TTC38: variants seen among roughly 807,000 people sequenced by gnomAD.
TTC38 encodes tetratricopeptide repeat protein 38.
Under a neutral mutation model 64.2 loss-of-function variants are expected in TTC38, and 64 were observed. The observed-to-expected ratio is 1.00, with a 90% confidence interval of 0.81 to 1.23. The LOEUF is 1.23. TTC38 is among the 50% of genes most tolerant of loss of function. The pLI is 0.00. For missense variants in TTC38, 573 were observed against 615.5 expected (o/e 0.93, Z 0.73); for synonymous variants, 254 against 249.3 (o/e 1.02, Z -0.18).
chr22:46,279,699 G>C (rs562315013), intron 6 of TTC38, among the ~76,000 whole-genome samples: 2 of 152,258 alleles, frequency 1.3e-5, no homozygotes, highest in Non-Finnish European at 2.9e-5. Flanking sequence ...AGGCTTGAGT[G>C]ATGTGTTCTT....
At position 46,273,155 on chromosome 22, in the gene TTC38, G is replaced by A. The variant is rs1936932745; in HGVS notation, c.193+739G>A. 6.6e-6 allele frequency among the ~76,000 whole-genome samples: 1 copy of A among 152,232 alleles called. No individual in the cohort carries two copies. Among genetic ancestry groups the A allele is most frequent in the Non-Finnish European group, 1.5e-5 (1 of 68,042 alleles). The stretch of plus-strand genomic sequence containing the variant: ...AGCCAAACCCAGTCATGGGGAGCCA[G>A]GAGCCAGGGGTGGGCTCGGACTCTC... On this transcript the variant is annotated intron_variant, in intron 3 of 13. Coordinates refer to ENST00000381031, the MANE Select transcript of TTC38 (RefSeq NM_017931.4). The surrounding 1 kb of genome is among the most constrained non-coding windows in gnomAD (Gnocchi z 5.1).
At chr22:46,287,320 C>T (rs2077579023) in intron 10 of TTC38, among the ~76,000 whole-genome samples, 166 bp downstream of exon 10, 1 of 152,228 alleles carries the variant, frequency 6.6e-6, no homozygotes, top group Non-Finnish European at 1.5e-5. Context: ...AGCTGCCTCC[C>T]AGCTGGCCCA....
chr22:46,287,127 T>C lies in TTC38; in HGVS notation c.889T>C (p.Ser297Pro). ...DAMLDVVDSC[S>P]MLYRLQMEGV... ...AATGCTGGACGTGGTGGACAGCTGC[T>C]CCATGCTCTACCGCCTGCAGATGGA... The change falls in exon 10 of 14, where the codon TCC (serine) becomes CCC (proline). Residue 297 changes from serine (S) to proline (P), a missense_variant. Ser to Pro is a moderately conservative substitution (Grantham distance 74). This residue lies in a region of TTC38 where 371 missense variants were observed against 381.8 expected (regional missense o/e 0.97). Coordinates refer to ENST00000381031, the MANE Select transcript of TTC38 (RefSeq NM_017931.4). 1.2e-6 allele frequency: 2 copies of C among 1,605,392 alleles called. No individual in the cohort carries two copies. Among genetic ancestry groups the C allele is most frequent in the Non-Finnish European group, 1.7e-6 (2 of 1,176,060 alleles).
intron 8 of TTC38, 92 bp from the exon 9 acceptor site, chr22:46,285,149 C>T (rs898697154): frequency 5.3e-6 from 6 of 1,123,720 alleles, no homozygotes; most frequent in Admixed American, 1.7e-5. Flanking sequence ...ACCATGTGCT[C>T]AGGGGTCTTT....
chr22:46,272,349 C>A lies in TTC38; in HGVS notation c.126C>A (p.Thr42=). Residue 42 remains threonine (T), a synonymous_variant, in exon 3 of 14, where the codon ACC becomes ACA. Coordinates refer to ENST00000381031, the MANE Select transcript of TTC38 (RefSeq NM_017931.4). This position sits in a 1 kb window ranked among gnomAD's most constrained non-coding sequence, Gnocchi z 6.4. ...DATLTQYVKW[T]NDKSLGGIEG... is the part of the protein sequence containing the mutation. ...TCCCATTTCAGTATGTAAAATGGAC[C>A]AATGACAAGAGTCTCGGTGGCATCG... 6.2e-7 allele frequency: 1 copy of A among 1,613,690 alleles called. No homozygotes were observed. Among genetic ancestry groups the A allele is most frequent in the Non-Finnish European group, 8.5e-7 (1 of 1,179,844 alleles).
chr22:46,282,182 G>A lies in TTC38; in HGVS notation c.735+464G>A. 2.9e-6 allele frequency: 1 copy of A among 339,476 alleles called. No homozygotes were observed. The highest frequency in any genetic ancestry group is 6.0e-6 in the Non-Finnish European group (1 of 167,858). 21.0% of individuals were successfully genotyped at this position (339,476 alleles called of 1,614,324 possible). A position where few individuals can be genotyped will look rare whatever the true frequency, so the allele number is the denominator to read the frequency against. On this transcript the variant is annotated intron_variant, in intron 7 of 13. Coordinates refer to ENST00000381031, the MANE Select transcript of TTC38 (RefSeq NM_017931.4). This position sits in a 1 kb window ranked among gnomAD's most constrained non-coding sequence, Gnocchi z 4.4. The stretch of plus-strand genomic sequence containing the variant: ...TGCCACACAGAGGGGGAAGATGGAG[G>A]GCATCCTAGCCCGTCACTAGCTTGA...
At position 46,289,856 on chromosome 22, in the gene TTC38, G is replaced by T; in HGVS notation, c.1273G>T (p.Ala425Ser). 2 of 1,614,142 alleles carry T rather than the reference G, an allele frequency of 1.2e-6. No individual in the cohort carries two copies. The highest frequency in any genetic ancestry group is 8.5e-7 in the Non-Finnish European group (1 of 1,180,016). Residue 425 changes from alanine (A) to serine (S), a missense_variant, in exon 13 of 14, where the codon GCG becomes TCG. Physicochemically the swap from Ala to Ser is moderately conservative, Grantham distance 99. This residue lies in a region of TTC38 where 371 missense variants were observed against 381.8 expected (regional missense o/e 0.97). Coordinates refer to ENST00000381031, the MANE Select transcript of TTC38 (RefSeq NM_017931.4). Reference sequence around the variant, plus strand: ...CGTCTTCAACCAGCTGCTGATTCACGCGGCCTTAAACTGCACCTCCAGCGT... The same window carrying T: ...CGTCTTCAACCAGCTGCTGATTCACTCGGCCTTAAACTGCACCTCCAGCGT... ...RDVFNQLLIHAALNCTSSVHK... is the reference protein window; with the variant it reads ...RDVFNQLLIHSALNCTSSVHK...
chr22:46,285,385 G>T, intron 9 of TTC38, 106 bp downstream of exon 9: 3 of 1,108,076 alleles, frequency 2.7e-6, no homozygotes, highest in Non-Finnish European at 4.2e-6. Context: ...CAGAAAAACA[G>T]CTGGAGCAAG....
chr22:46,272,111 C>G lies in TTC38; in HGVS notation c.112-224C>G, dbSNP rs1004519536. On this transcript the variant is annotated intron_variant, in intron 2 of 13. Coordinates refer to ENST00000381031, the MANE Select transcript of TTC38 (RefSeq NM_017931.4). This position sits in a 1 kb window ranked among gnomAD's most constrained non-coding sequence, Gnocchi z 6.4. ...GTTCAAGTGATTCTCATGCCTCTGC[C>G]TACCAAGTGGCTGGGACTACAGGCA... Among the ~76,000 whole-genome samples the G allele has an allele frequency of 1.3e-5, 2 of 152,168 alleles. No homozygotes were observed. Among genetic ancestry groups the G allele is most frequent in the Non-Finnish European group, 2.9e-5 (2 of 68,040 alleles).
chr22:46,291,714 G>T lies in TTC38; in HGVS notation c.1317-1077G>T, dbSNP rs1007081973. 2.0e-5 allele frequency among the ~76,000 whole-genome samples: 3 copies of T among 152,144 alleles called. No individual in the cohort carries two copies. The highest frequency in any genetic ancestry group is 7.2e-5 in the African/African-American group (3 of 41,416). Reference sequence around the variant, plus strand: ...TCATGCCTGTAATCCCAGCACTTTCGGAGGCCAAGGCGGGTGGATCACCTG... The same window carrying T: ...TCATGCCTGTAATCCCAGCACTTTCTGAGGCCAAGGCGGGTGGATCACCTG... On this transcript the variant is annotated intron_variant, in intron 13 of 13. Coordinates refer to ENST00000381031, the MANE Select transcript of TTC38 (RefSeq NM_017931.4). The surrounding 1 kb of genome is among the most constrained non-coding windows in gnomAD (Gnocchi z 4.6).
Position 46,293,739 on chromosome 22 carries a change from G to C in TTC38, c.*855G>C, listed in dbSNP as rs192471290. 6.6e-6 allele frequency: 1 copy of C among 152,386 alleles called. No homozygotes were observed. The highest frequency in any genetic ancestry group is 1.5e-5 in the Non-Finnish European group (1 of 68,170). 9.4% of individuals were successfully genotyped at this position (152,386 alleles called of 1,614,324 possible). ...CAAGCCTGGAGCGGGTCCTGTGAGCGCCGCCTCTGTCTCCTGCTTCCCCAC... is the reference window on the plus strand; with the variant it reads ...CAAGCCTGGAGCGGGTCCTGTGAGCCCCGCCTCTGTCTCCTGCTTCCCCAC... On this transcript the variant is annotated 3_prime_UTR_variant, in exon 14 of 14. Coordinates refer to ENST00000381031, the MANE Select transcript of TTC38 (RefSeq NM_017931.4). The surrounding 1 kb of genome is among the most constrained non-coding windows in gnomAD (Gnocchi z 6.6).
chr22:46,279,039 G>A (rs953251102), intron 6 of TTC38, among the ~76,000 whole-genome samples: 1 of 152,222 alleles, frequency 6.6e-6, no homozygotes, highest in Non-Finnish European at 1.5e-5. Flanking sequence ...ACAGGACTTT[G>A]TAGGAGGAGA....
chr22:46,288,849 A>G (rs1443360824), intron 11 of TTC38, among the ~76,000 whole-genome samples: 1 of 152,168 alleles, frequency 6.6e-6, no homozygotes, highest in East Asian at 1.9e-4. Flanking sequence ...TGGGTATGAG[A>G]TCCGCAGGGT....
Position 46,281,836 on chromosome 22 carries a change from C to A in TTC38, c.735+118C>A. On this transcript the variant is annotated intron_variant, in intron 7 of 13. Transcript: ENST00000381031. This position sits in a 1 kb window ranked among gnomAD's most constrained non-coding sequence, Gnocchi z 5.2. Reference sequence around the variant, plus strand: ...GGCTTAATTCTCGGGGTTCCCTCTCCTCCTCCACCTGCACCTGCCTCAGGT... The same window carrying A: ...GGCTTAATTCTCGGGGTTCCCTCTCATCCTCCACCTGCACCTGCCTCAGGT... 1 of 1,348,042 alleles carries A rather than the reference C, an allele frequency of 7.4e-7. No individual in the cohort carries two copies. The highest frequency in any genetic ancestry group is 1.0e-6 in the Non-Finnish European group (1 of 959,254). The allele number at this position is 1,348,042 out of a possible 1,614,324, so 83.5% of individuals were successfully genotyped here.
At chr22:46,268,797 C>T (rs1569011273) in intron 2 of TTC38, 1 of 512,896 alleles carries the variant, frequency 1.9e-6, no homozygotes, top group Non-Finnish European at 3.5e-6. Context: ...CCATTCTCGT[C>T]CCTCAGCCTC....
chr22:46,292,836 G>C lies in TTC38; in HGVS notation c.1362G>C (p.Leu454=), dbSNP rs1190075492. Residue 454 remains leucine, a synonymous_variant, in exon 14 of 14, where the codon CTG becomes CTC. Transcript: ENST00000381031. This position sits in a 1 kb window ranked among gnomAD's most constrained non-coding sequence, Gnocchi z 6.5. ...ERDALKPNSP[L]TERLIRKAAT... The stretch of plus-strand genomic sequence containing the variant: ...ATGCCTTGAAGCCCAACTCGCCCCT[G>C]ACCGAGCGGCTCATCCGCAAGGCAG... 6.2e-7 allele frequency: 1 copy of C among 1,614,078 alleles called. No individual in the cohort carries two copies. Among genetic ancestry groups the C allele is most frequent in the Admixed American group, 1.7e-5 (1 of 60,026 alleles).
In TTC38 at chr22:46,275,444, A is replaced by ATTATTTCTGTTTCT. The variant is rs745680135; in HGVS notation, c.539+25_539+38dup. ...CAGGTATGTGCCAGCTGGAAATCAC[A>ATTATTTCTGTTTCT]TTATTTCTGTTTCTTAATCTCTCTT... On this transcript the variant is annotated intron_variant, in intron 5 of 13. Coordinates refer to ENST00000381031, the MANE Select transcript of TTC38 (RefSeq NM_017931.4). This position sits in a 1 kb window ranked among gnomAD's most constrained non-coding sequence, Gnocchi z 4.5. The ATTATTTCTGTTTCT allele has an allele frequency of 6.3e-6, 10 of 1,596,916 alleles. No individual in the cohort carries two copies. The highest frequency in any genetic ancestry group is 8.5e-6 in the Non-Finnish European group (10 of 1,171,002).
chr22:46,290,128 CTTTTA>C, intron 13 of TTC38, among the ~76,000 whole-genome samples: 1 of 152,382 alleles, frequency 6.6e-6, no homozygotes, highest in East Asian at 1.9e-4. Flanking sequence ...AGCCCACTCC[CTTTTA>C]GCCTTGCTAA....
rs55653327 is a variant in TTC38, at chr22:46,287,079, C to T, written c.841C>T (p.Pro281Ser). The change falls in exon 10 of 14, where the codon CCC becomes TCC. Residue 281 changes from proline (P) to serine (S), a missense_variant. This residue lies in a region of TTC38 where 371 missense variants were observed against 381.8 expected (regional missense o/e 0.97). Transcript: ENST00000381031. ...TGGCCGCCCTGTCTTCCAGATCCTT[C>T]CCAGCCTGCAGGCCAACGATGCAAT... is the stretch of plus-strand genomic sequence containing the variant. ...ALTIYDTHIL[P>S]SLQANDAMLD... The T allele has an allele frequency of 0.088, 140,962 of 1,598,528 alleles. 6,969 individuals carry two copies. The highest frequency in any genetic ancestry group is 0.1 in the Non-Finnish European group (118,994 of 1,173,424).
Sources: allele counts gnomAD v4.1 joint callset (sites outside exome capture counted in the v4.1 genomes callset), GRCh38; gene constraint gnomAD v4.1.1; regional missense constraint gnomAD v4.1.1; non-coding constraint Gnocchi (gnomAD v3.1); transcripts MANE v1.5; gene names NCBI Gene and HGNC (gene_info 2026-07-23, HGNC 2026-07-21).